The following ENOX2 variants were observed in gnomAD, a reference collection of about 807,000 sequenced individuals.
ENOX2 encodes APK1 antigen.
ENOX2 carries 36 observed loss-of-function variants against 45.0 expected under a neutral mutation model. The observed-to-expected ratio is 0.80, with a 90% CI of 0.61 to 1.06. The LOEUF (loss-of-function observed/expected upper bound fraction) is 1.06. Ranked by LOEUF, ENOX2 falls within the 50% of genes least tolerant of loss-of-function variation. The probability of loss-of-function intolerance (pLI) is 0.00; values close to 1 mark genes in which losing one functional copy is unlikely to be tolerated. For synonymous variants in ENOX2, 174 were observed against 152.3 expected (o/e 1.14, Z -1.05); for missense variants, 423 against 462.5 (o/e 0.91, Z 0.78).
chrX:130,764,330 T>C (rs1425351905), intron 3 of ENOX2, among the ~76,000 whole-genome samples: 2 of 111,215 alleles, frequency 1.8e-5, no homozygotes, highest in South Asian at 7.6e-4. Flanking sequence ...AAGGGACATA[T>C]ATAACCTAAT....
At chrX:130,790,190 G>A (rs183813516) in intron 2 of ENOX2, among the ~76,000 whole-genome samples, 52 of 112,541 alleles carry the variant, frequency 4.6e-4, no homozygotes, top group African/African-American at 1.5e-3. Flanking sequence ...GAAAGAAAAC[G>A]GAAAAGTCCT....
chrX:130,868,336 T>C (rs1603374901), intron 2 of ENOX2, among the ~76,000 whole-genome samples: 1 of 112,427 alleles, frequency 8.9e-6, no homozygotes, highest in African/African-American at 3.2e-5. Context: ...ATATAATTAC[T>C]AACAAATACA....
chrX:130,646,448 A>C, intron 10 of ENOX2: 1 of 186,835 alleles, frequency 5.4e-6, no homozygotes, highest in Non-Finnish European at 1.0e-5. Context: ...AGCGTTAGGA[A>C]ACCTTGGCTT....
chrX:130,651,610 G>A (rs1603296622), intron 10 of ENOX2, among the ~76,000 whole-genome samples: 1 of 111,697 alleles, frequency 9.0e-6, no homozygotes, highest in East Asian at 2.8e-4. Context: ...GAGCTAGGCA[G>A]CTACATCAAT....
intron 10 of ENOX2, among the ~76,000 whole-genome samples, chrX:130,645,502 T>A (rs775978329): frequency 1.8e-4 from 20 of 113,031 alleles, no homozygotes; most frequent in Non-Finnish European, 3.6e-4. Context: ...TTTCTATTGT[T>A]TACATGCCAA....
chrX:130,890,297 C>T (rs887097752), intron 2 of ENOX2, among the ~76,000 whole-genome samples: 1 of 111,365 alleles, frequency 9.0e-6, no homozygotes, highest in African/African-American at 3.3e-5. Context: ...AAAACAAACA[C>T]GCATACCAAA....
chrX:130,673,205 G>A (rs1436277802), intron 6 of ENOX2, among the ~76,000 whole-genome samples: 8 of 111,059 alleles, frequency 7.2e-5, no homozygotes, highest in Non-Finnish European at 1.5e-4. Flanking sequence ...GTTGGGGGAC[G>A]TCCCATCCAA....
intron 2 of ENOX2, among the ~76,000 whole-genome samples, chrX:130,821,658 A>G (rs1185697189): frequency 1.1e-5 from 1 of 88,009 alleles, no homozygotes; most frequent in African/African-American, 4.2e-5. Context: ...AACCTGCACA[A>G]TGTGCACATG....
Position 130,703,252 on chromosome X carries a change from C to T in ENOX2, c.-36G>A, listed in dbSNP as rs371375558. On this transcript the variant is annotated splice_region_variant and 5_prime_UTR_variant, in exon 4 of 15. Transcript: ENST00000394363. ...TCCACGTTCAGAGTTCTACTGTTAT[C>T]GGCTGAAAAGAAATGACAAGCAAAA... 14 of 1,181,750 alleles carry T rather than the reference C, an allele frequency of 1.2e-5. No homozygotes were observed. Among genetic ancestry groups the T allele is most frequent in the African/African-American group, 8.9e-5 (5 of 56,269 alleles).
At position 130,771,303 on chromosome X, in the gene ENOX2, T is replaced by C. The variant is rs139172618; in HGVS notation, c.-39+12244A>G. ...AAACAAAGATTTGGGAGATCCCATGTGTTAGTGGAAAGAGGATTATACTAG... is the reference window on the plus strand; with the variant it reads ...AAACAAAGATTTGGGAGATCCCATGCGTTAGTGGAAAGAGGATTATACTAG... On this transcript the variant is annotated intron_variant, in intron 3 of 14. Coordinates refer to ENST00000394363, the MANE Select transcript of ENOX2 (RefSeq NM_006375.4). 3.8e-3 allele frequency among the ~76,000 whole-genome samples: 428 copies of C among 111,899 alleles called. 1 individual carries two copies. Among genetic ancestry groups the C allele is most frequent in the African/African-American group, 0.013 (412 of 30,814 alleles).
intron 4 of ENOX2, among the ~76,000 whole-genome samples, chrX:130,698,536 C>T (rs1397299693): frequency 7.2e-5 from 8 of 111,538 alleles, no homozygotes; most frequent in Non-Finnish European, 5.7e-5. Flanking sequence ...ATAATGTTTA[C>T]GTATTATTGG....
intron 13 of ENOX2, among the ~76,000 whole-genome samples, chrX:130,628,752 A>C (rs1190041289): frequency 8.9e-6 from 1 of 112,163 alleles, no homozygotes; most frequent in Non-Finnish European, 1.9e-5. Context: ...AATGCCCCTG[A>C]TTTCCACTTA....
At chrX:130,833,509 CTGT>C (rs1167619734) in intron 2 of ENOX2, among the ~76,000 whole-genome samples, 1 of 111,222 alleles carries the variant, frequency 9.0e-6, no homozygotes, top group African/African-American at 3.3e-5. Context: ...ATGTGTGAGG[CTGT>C]TTTTTTGAAT....
intron 2 of ENOX2, among the ~76,000 whole-genome samples, chrX:130,896,375 C>T (rs1899585942): frequency 9.0e-6 from 1 of 110,741 alleles, no homozygotes; most frequent in South Asian, 3.9e-4. Context: ...CAAAAAAACA[C>T]ACATCCCCAC....
chrX:130,798,146 T>C lies in ENOX2; in HGVS notation c.-182-14456A>G, dbSNP rs780460954. Among the ~76,000 whole-genome samples the C allele has an allele frequency of 1.8e-3, 198 of 112,009 alleles. 1 individual carries two copies. The highest frequency in any genetic ancestry group is 3.2e-3 in the Non-Finnish European group (170 of 53,172). ...AAAGCCACCAGGTGGCCAGGCATGG[T>C]GGCTCACGCCTGTGATACCAGCACT... On this transcript the variant is annotated intron_variant, in intron 2 of 14. Transcript: ENST00000394363.
chrX:130,793,982 A>C, intron 2 of ENOX2, among the ~76,000 whole-genome samples: 1 of 112,195 alleles, frequency 8.9e-6, no homozygotes, highest in Non-Finnish European at 1.9e-5. Flanking sequence ...AGAGGAACTG[A>C]GAAGAGAAAG....
At chrX:130,630,666 G>C (rs371758286) in intron 13 of ENOX2, among the ~76,000 whole-genome samples, 26 of 111,367 alleles carry the variant, frequency 2.3e-4, no homozygotes, top group East Asian at 2.0e-3. Context: ...ACTTTCCTGA[G>C]TTCTGTGAGC....
At chrX:130,659,133 T>C (rs2036619761) in intron 9 of ENOX2, among the ~76,000 whole-genome samples, 1 of 112,188 alleles carries the variant, frequency 8.9e-6, no homozygotes, top group Non-Finnish European at 1.9e-5. Flanking sequence ...ACAGGAAATA[T>C]CCGAAGTTGT....
intron 7 of ENOX2, among the ~76,000 whole-genome samples, chrX:130,669,637 C>T (rs939800392): frequency 1.8e-5 from 2 of 111,923 alleles, no homozygotes; most frequent in East Asian, 2.8e-4. Flanking sequence ...TAAAAGAGGG[C>T]GCTTACAGGT....
Sources: allele counts gnomAD v4.1 joint callset (sites outside exome capture counted in the v4.1 genomes callset), GRCh38; gene constraint gnomAD v4.1.1; transcripts MANE v1.5; gene names NCBI Gene and HGNC (gene_info 2026-07-23, HGNC 2026-07-21).